Variants in EXOC4 observed in about 807,000 individuals in gnomAD.
The protein encoded by EXOC4 is exocyst complex component 4.
EXOC4 carries 71 observed loss-of-function variants against 107.2 expected under a neutral mutation model. That is an observed-to-expected ratio of 0.66 (90% CI 0.55 to 0.81). The LOEUF is 0.81. EXOC4 is among the 30% of genes least tolerant of loss of function. EXOC4 has a pLI of 0.00. For missense variants in EXOC4, 1,108 were observed against 1,189.6 expected (o/e 0.93, Z 1.01); for synonymous variants, 456 against 441.2 (o/e 1.03, Z -0.42).
chr7:133,564,449 T>C (rs1272570657), intron 9 of EXOC4, among the ~76,000 whole-genome samples: 3 of 152,136 alleles, frequency 2.0e-5, no homozygotes, highest in Non-Finnish European at 4.4e-5. Context: ...TTTTTCTACA[T>C]GAGAGCTGGA....
chr7:133,479,898 C>T, intron 8 of EXOC4, 152 bp from the exon 9 acceptor site: 1 of 642,070 alleles, frequency 1.6e-6, no homozygotes, highest in South Asian at 2.0e-5. Flanking sequence ...CGGCAGCTGG[C>T]CCTGGCCCTG....
chr7:133,773,976 G>A (rs1476626210), intron 10 of EXOC4, among the ~76,000 whole-genome samples: 1 of 151,972 alleles, frequency 6.6e-6, no homozygotes, highest in African/African-American at 2.4e-5. Flanking sequence ...TCTTACATCT[G>A]GTTTCCTCAT....
At chr7:133,875,978 T>G (rs1457421057) in intron 11 of EXOC4, among the ~76,000 whole-genome samples, 1 of 152,188 alleles carries the variant, frequency 6.6e-6, no homozygotes, top group Non-Finnish European at 1.5e-5. Context: ...ATAAACTGTT[T>G]TGCTGTTGTA....
At chr7:133,378,092 C>T (rs1270301706) in intron 7 of EXOC4, among the ~76,000 whole-genome samples, 4 of 151,994 alleles carry the variant, frequency 2.6e-5, no homozygotes, top group South Asian at 2.1e-4. Context: ...GGGTGGATCA[C>T]GAGGTCAGGA....
chr7:133,284,680 C>T (rs1230784466), intron 2 of EXOC4, among the ~76,000 whole-genome samples: 8 of 151,904 alleles, frequency 5.3e-5, no homozygotes, highest in Admixed American at 1.3e-4. Context: ...TACAGGTGCC[C>T]GCCACCATGC....
chr7:133,913,147 A>G (rs1260981770), intron 12 of EXOC4, among the ~76,000 whole-genome samples: 2 of 152,224 alleles, frequency 1.3e-5, no homozygotes, highest in African/African-American at 2.4e-5. Context: ...AAACTTTGGA[A>G]TACTCATCAT....
chr7:134,013,333 G>A (rs1794815738), intron 17 of EXOC4, among the ~76,000 whole-genome samples: 1 of 152,084 alleles, frequency 6.6e-6, no homozygotes, highest in Non-Finnish European at 1.5e-5. Flanking sequence ...GATTCCAATA[G>A]AGATACATTC....
chr7:133,600,543 G>A (rs1014487084), intron 9 of EXOC4, among the ~76,000 whole-genome samples: 2 of 152,146 alleles, frequency 1.3e-5, no homozygotes, highest in Non-Finnish European at 2.9e-5. Flanking sequence ...GGAGAGAATC[G>A]ATGTTGCAAA....
chr7:133,541,891 A>G (rs1005750907), intron 9 of EXOC4, among the ~76,000 whole-genome samples: 25 of 152,068 alleles, frequency 1.6e-4, no homozygotes, highest in Admixed American at 7.2e-4. Context: ...ACCCTGTGTC[A>G]TGAGTGAGGG....
chr7:133,777,273 G>A (rs1796363838), intron 10 of EXOC4, among the ~76,000 whole-genome samples: 1 of 2,768 alleles, frequency 3.6e-4, no homozygotes. Context: ...GTCTAAGAGA[G>A]AGAGAAAGAG....
intron 9 of EXOC4, among the ~76,000 whole-genome samples, chr7:133,516,974 TAA>T (rs1371973884): frequency 2.0e-5 from 3 of 151,910 alleles, no homozygotes; most frequent in African/African-American, 7.3e-5. Context: ...CTATTCTTTC[TAA>T]AATGCATATA....
chr7:133,268,122 T>C (rs144320736), intron 1 of EXOC4, among the ~76,000 whole-genome samples: 91 of 152,322 alleles, frequency 6.0e-4, no homozygotes, highest in African/African-American at 1.9e-3. Context: ...AACAATATCC[T>C]GGCAAGGCGG....
intron 17 of EXOC4, among the ~76,000 whole-genome samples, chr7:134,014,723 T>C (rs1369701911): frequency 2.0e-5 from 3 of 152,080 alleles, no homozygotes; most frequent in African/African-American, 7.2e-5. Context: ...GTGACTATTC[T>C]AAAAGTCCTT....
chr7:133,574,782 C>T (rs1426339948), intron 9 of EXOC4, among the ~76,000 whole-genome samples: 1 of 152,140 alleles, frequency 6.6e-6, no homozygotes, highest in Non-Finnish European at 1.5e-5. Context: ...TAACTTTGTC[C>T]GTTGCACCCA....
intron 13 of EXOC4, among the ~76,000 whole-genome samples, chr7:133,921,901 G>A (rs1231283095): frequency 6.6e-6 from 1 of 152,002 alleles, no homozygotes; most frequent in East Asian, 1.9e-4. Context: ...TAGATATTCT[G>A]TTGTTTTATT....
intron 11 of EXOC4, 67 bp downstream of exon 11, chr7:133,817,611 T>C: frequency 8.3e-7 from 1 of 1,201,026 alleles, no homozygotes; most frequent in African/African-American, 1.5e-5. Flanking sequence ...GTGTCATAAA[T>C]TTAAAAAAGA....
chr7:133,885,246 G>A (rs1263029449), intron 11 of EXOC4, among the ~76,000 whole-genome samples: 5 of 151,640 alleles, frequency 3.3e-5, no homozygotes, highest in South Asian at 4.2e-4. Flanking sequence ...CCCGGGAGAC[G>A]GAGGTTGCAG....
intron 10 of EXOC4, among the ~76,000 whole-genome samples, chr7:133,787,963 T>TTATATATATATATATATA (rs1163259405): frequency 2.0e-4 from 8 of 40,956 alleles, no homozygotes; most frequent in Non-Finnish European, 2.7e-4. Flanking sequence ...ATTTATATAT[T>TTATATATATATATATATA]TATATATATA....
In EXOC4 at chr7:133,934,081, C is replaced by T. The variant is rs139941992; in HGVS notation, c.2028-3810C>T. Reference sequence around the variant, plus strand: ...ACTGCATATCATAATGAAAAATAAGCTACACCAAACATTTTTCTGTGTTAC... The same window carrying T: ...ACTGCATATCATAATGAAAAATAAGTTACACCAAACATTTTTCTGTGTTAC... On this transcript the variant is annotated intron_variant, in intron 13 of 17. Transcript: ENST00000253861. 7.9e-3 allele frequency among the ~76,000 whole-genome samples: 1,201 copies of T among 152,216 alleles called. 18 individuals carry two copies. Among genetic ancestry groups the T allele is most frequent in the African/African-American group, 0.028 (1,146 of 41,530 alleles).
Sources: allele counts gnomAD v4.1 joint callset (sites outside exome capture counted in the v4.1 genomes callset), GRCh38; gene constraint gnomAD v4.1.1; transcripts MANE v1.5; gene names NCBI Gene and HGNC (gene_info 2026-07-23, HGNC 2026-07-21).